Variants in DPP10 observed in about 807,000 individuals in gnomAD.
DPP10 encodes dipeptidyl peptidase like 10, also known as inactive dipeptidyl peptidase 10.
Under a neutral mutation model 120.9 loss-of-function variants are expected in DPP10, and 33 were observed. The ratio of observed to expected loss-of-function variants is 0.27; its 90% CI spans 0.21 to 0.37. The LOEUF (loss-of-function observed/expected upper bound fraction) is 0.37, where lower values mean the gene tolerates loss of function less well. Among genes scored for constraint, DPP10 ranks in the 10% least tolerant of loss-of-function variants. The probability of loss-of-function intolerance (pLI) is 1.00; values close to 1 mark genes in which losing one functional copy is unlikely to be tolerated. For synonymous variants in DPP10, 337 were observed against 326.1 expected (o/e 1.03, Z -0.36); for missense variants, 816 against 942.8 (o/e 0.87, Z 1.76).
intron 13 of DPP10, among the ~76,000 whole-genome samples, chr2:115,770,256 G>T (rs1681297366): frequency 6.6e-6 from 1 of 151,956 alleles, no homozygotes; most frequent in Non-Finnish European, 1.5e-5. Context: ...CCCAAACCAA[G>T]AATTTTTTTA....
chr2:114,801,321 T>C (rs377606494), intron 1 of DPP10, among the ~76,000 whole-genome samples: 59 of 129,624 alleles, frequency 4.6e-4, no homozygotes, highest in African/African-American at 1.7e-3. Flanking sequence ...TAGAAGAAAA[T>C]AAAACAAATG....
intron 1 of DPP10, among the ~76,000 whole-genome samples, chr2:114,621,384 C>A (rs1011337798): frequency 6.6e-6 from 1 of 152,058 alleles, no homozygotes; most frequent in Non-Finnish European, 1.5e-5. Flanking sequence ...CTTTTATCTA[C>A]ACTATGTTAT....
intron 5 of DPP10, among the ~76,000 whole-genome samples, chr2:115,581,062 A>G (rs529611048): frequency 6.6e-6 from 1 of 152,288 alleles, no homozygotes; most frequent in South Asian, 2.1e-4. Context: ...GTAGGGCCTA[A>G]ATTCTCCGTA....
intron 1 of DPP10, among the ~76,000 whole-genome samples, chr2:114,508,965 A>T (rs1178744812): frequency 6.6e-6 from 1 of 152,208 alleles, no homozygotes; most frequent in African/African-American, 2.4e-5. Flanking sequence ...TGAGTCGAAT[A>T]CCAAGACAAC....
chr2:114,689,036 C>T (rs1218503530), intron 1 of DPP10, among the ~76,000 whole-genome samples: 3 of 151,572 alleles, frequency 2.0e-5, no homozygotes, highest in African/African-American at 7.3e-5. Flanking sequence ...CCAGCTTCCC[C>T]TCCGTGGTTT....
At chr2:115,595,446 G>C (rs1490295860) in intron 5 of DPP10, among the ~76,000 whole-genome samples, 1 of 151,882 alleles carries the variant, frequency 6.6e-6, no homozygotes, top group African/African-American at 2.4e-5. Flanking sequence ...GATTTTTATA[G>C]ACCCTTTTAT....
chr2:114,874,714 A>G (rs1215287205), intron 1 of DPP10, among the ~76,000 whole-genome samples: 1 of 152,132 alleles, frequency 6.6e-6, no homozygotes, highest in Non-Finnish European at 1.5e-5. Context: ...CCATGGAAAA[A>G]GTTGTCTTCC....
At chr2:115,737,502 G>C (rs1676700253) in intron 8 of DPP10, among the ~76,000 whole-genome samples, 1 of 152,076 alleles carries the variant, frequency 6.6e-6, no homozygotes. Flanking sequence ...TGTAATGCCT[G>C]TCCTATGATT....
At chr2:115,359,049 T>C (rs566119679) in intron 3 of DPP10, among the ~76,000 whole-genome samples, 4 of 152,318 alleles carry the variant, frequency 2.6e-5, no homozygotes, top group African/African-American at 9.6e-5. Context: ...ATGGGTTTCT[T>C]GAAGATAGCA....
chr2:115,125,462 T>C (rs978052513), intron 1 of DPP10, among the ~76,000 whole-genome samples: 3 of 151,924 alleles, frequency 2.0e-5, no homozygotes, highest in Non-Finnish European at 4.4e-5. Flanking sequence ...TCCAAACATA[T>C]ATAAGCTTTG....
chr2:114,919,939 G>C (rs1476391585), intron 1 of DPP10, among the ~76,000 whole-genome samples: 1 of 152,124 alleles, frequency 6.6e-6, no homozygotes, highest in Non-Finnish European at 1.5e-5. Context: ...GCATGGATTT[G>C]CTAACAGCCT....
chr2:115,807,315 ATT>A (rs1261036201), intron 19 of DPP10, among the ~76,000 whole-genome samples: 1 of 152,024 alleles, frequency 6.6e-6, no homozygotes, highest in East Asian at 1.9e-4. Flanking sequence ...GTATTCTTAT[ATT>A]TTCATGTGCT....
intron 1 of DPP10, among the ~76,000 whole-genome samples, chr2:114,742,722 C>T (rs750190668): frequency 1.3e-5 from 2 of 152,190 alleles, no homozygotes; most frequent in Non-Finnish European, 2.9e-5. Context: ...GGTGATCGAA[C>T]AGCAACACTG....
chr2:114,610,686 G>A (rs1286471546), intron 1 of DPP10, among the ~76,000 whole-genome samples: 2 of 152,084 alleles, frequency 1.3e-5, no homozygotes, highest in African/African-American at 4.8e-5. Context: ...GGGAAGTCTG[G>A]TGACGGCAAC....
chr2:115,398,174 CT>C (rs35282441), intron 3 of DPP10, among the ~76,000 whole-genome samples: 109,316 of 148,856 alleles, frequency 0.73, 40,833 homozygotes, highest in Admixed American at 0.81. Context: ...TTGTATATGA[CT>C]TTTTTTTTTT....
At chr2:114,823,448 C>T (rs983845235) in intron 1 of DPP10, among the ~76,000 whole-genome samples, 1 of 152,064 alleles carries the variant, frequency 6.6e-6, no homozygotes, top group South Asian at 2.1e-4. Context: ...AAACATATCC[C>T]ATCTTAAAAT....
intron 5 of DPP10, among the ~76,000 whole-genome samples, chr2:115,537,324 G>A (rs905229350): frequency 2.0e-5 from 3 of 151,962 alleles, no homozygotes; most frequent in East Asian, 3.9e-4. Context: ...TCCTTATGGT[G>A]TGTTGACTGG....
chr2:115,107,514 T>C (rs1254832821), intron 1 of DPP10, among the ~76,000 whole-genome samples: 2 of 130,944 alleles, frequency 1.5e-5, no homozygotes, highest in South Asian at 5.1e-4. Context: ...TATTTTAAAA[T>C]CCAGGAGCCA....
chr2:115,606,303 C>G (rs546123630), intron 5 of DPP10, among the ~76,000 whole-genome samples: 1 of 151,952 alleles, frequency 6.6e-6, no homozygotes, highest in African/African-American at 2.4e-5. Flanking sequence ...TATGTTCTTT[C>G]GCTTTTTTTA....
Sources: allele counts gnomAD v4.1 joint callset (sites outside exome capture counted in the v4.1 genomes callset), GRCh38; gene constraint gnomAD v4.1.1; transcripts MANE v1.5; gene names NCBI Gene and HGNC (gene_info 2026-07-23, HGNC 2026-07-21).